Variants in HDAC9 observed in about 807,000 individuals in gnomAD.
HDAC9 encodes the protein MEF-2 interacting transcription repressor (MITR) protein.
A neutral mutation model predicts 139.4 loss-of-function variants in HDAC9; 41 were observed. That is an observed-to-expected ratio of 0.29 (90% CI 0.23 to 0.38). The LOEUF (loss-of-function observed/expected upper bound fraction) is 0.38, where lower values mean the gene tolerates loss of function less well. Ranked by LOEUF, HDAC9 falls within the 10% of genes least tolerant of loss-of-function variation. HDAC9 has a pLI of 1.00. For synonymous variants in HDAC9, 517 were observed against 476.2 expected (o/e 1.09, Z -1.12); for missense variants, 1,147 against 1,297.0 (o/e 0.88, Z 1.78).
At chr7:18,122,844 C>T (rs1258543305) in intron 1 of HDAC9, among the ~76,000 whole-genome samples, 1 of 152,144 alleles carries the variant, frequency 6.6e-6, no homozygotes, top group Admixed American at 6.5e-5. Flanking sequence ...GCCTTGAACT[C>T]CTGGCCTCAA....
At chr7:18,710,214 C>G (rs888854084) in intron 12 of HDAC9, among the ~76,000 whole-genome samples, 43 of 152,130 alleles carry the variant, frequency 2.8e-4, no homozygotes, top group Non-Finnish European at 1.8e-4. Flanking sequence ...AGTTAACTCT[C>G]CCCAAGTCCC....
In HDAC9 at chr7:18,352,364, G is replaced by A. The variant is rs1585315336; in HGVS notation, c.-42+61849G>A. Among the ~76,000 whole-genome samples, 3 of 152,162 alleles carry A rather than the reference G, an allele frequency of 2.0e-5. No individual in the cohort carries two copies. In the East Asian group the frequency reaches 5.8e-4, roughly 29 times the overall value. ...ATATTCTGCTTAGAGGGAAACAGTAGGTTGCCACTGATTTTTAGTCCTGTG... is the reference window on the plus strand; with the variant it reads ...ATATTCTGCTTAGAGGGAAACAGTAAGTTGCCACTGATTTTTAGTCCTGTG... On this transcript the variant is annotated intron_variant, in intron 1 of 3. Coordinates refer to the HDAC9 transcript ENST00000413509.
intron 23 of HDAC9, among the ~76,000 whole-genome samples, chr7:18,953,587 G>T (rs1389435485): frequency 6.6e-6 from 1 of 152,152 alleles, no homozygotes; most frequent in Non-Finnish European, 1.5e-5. Flanking sequence ...GAAGTTAAAT[G>T]AAACTGTACA....
At chr7:18,407,035 A>G (rs1247361083) in intron 1 of HDAC9, among the ~76,000 whole-genome samples, 1 of 152,178 alleles carries the variant, frequency 6.6e-6, no homozygotes, top group Non-Finnish European at 1.5e-5. Flanking sequence ...AGGTGTATCA[A>G]TATGTATAGA....
rs150694412 is a variant in HDAC9 at position 18,768,967 on chromosome 7, G to C, written c.2214+1812G>C. 1.6e-4 allele frequency among the ~76,000 whole-genome samples: 24 copies of C among 152,198 alleles called. No homozygotes were observed. In the East Asian group the frequency reaches 4.6e-3, roughly 29 times the overall value. ...TGTTAGATGCTTTTGCCAAACTGTA[G>C]GCTAACATAAATGTTTGGCATGAAT... On this transcript the variant is annotated intron_variant, in intron 16 of 25. Coordinates refer to ENST00000686413, the MANE Select transcript of HDAC9 (RefSeq NM_178425.4).
chr7:18,860,427 A>C (rs2129233012), intron 21 of HDAC9, among the ~76,000 whole-genome samples: 1 of 152,328 alleles, frequency 6.6e-6, no homozygotes, highest in African/African-American at 2.4e-5. Context: ...GAAAATAAAC[A>C]AAGATTTGGA....
intron 12 of HDAC9, among the ~76,000 whole-genome samples, chr7:18,715,732 C>A (rs1423793268): frequency 6.6e-6 from 1 of 152,092 alleles, no homozygotes; most frequent in Non-Finnish European, 1.5e-5. Context: ...ACAGAGAAAT[C>A]TAAAAGTTGT....
chr7:18,478,800 A>C (rs1327572931), intron 1 of HDAC9, among the ~76,000 whole-genome samples: 1 of 152,136 alleles, frequency 6.6e-6, no homozygotes, highest in Non-Finnish European at 1.5e-5. Flanking sequence ...AATACTTGGT[A>C]TTGTTAGACT....
chr7:18,975,699 T>C, intron 24 of HDAC9, 107 bp from the exon 25 acceptor site: 2 of 1,014,708 alleles, frequency 2.0e-6, no homozygotes, highest in East Asian at 2.5e-5. Flanking sequence ...GTGTATAACA[T>C]GGGGAATTTT....
chr7:18,825,035 C>T (rs1795308583), intron 17 of HDAC9, among the ~76,000 whole-genome samples: 1 of 152,150 alleles, frequency 6.6e-6, no homozygotes. Context: ...AATCATGGTA[C>T]CATTTCTAAG....
chr7:18,409,281 A>G (rs898241355), intron 1 of HDAC9, among the ~76,000 whole-genome samples: 1 of 152,110 alleles, frequency 6.6e-6, no homozygotes, highest in African/African-American at 2.4e-5. Context: ...GGGGAGAGAG[A>G]TGTAAGTTCC....
chr7:18,682,523 T>A (rs1305512204), intron 12 of HDAC9, among the ~76,000 whole-genome samples: 1 of 152,052 alleles, frequency 6.6e-6, no homozygotes, highest in Non-Finnish European at 1.5e-5. Context: ...GCTGGTAACT[T>A]TTAAAGAATG....
chr7:18,471,256 G>A (rs1794700393), intron 1 of HDAC9, among the ~76,000 whole-genome samples: 1 of 152,154 alleles, frequency 6.6e-6, no homozygotes, highest in African/African-American at 2.4e-5. Context: ...ATACACATTT[G>A]TATTACTTCA....
intron 25 of HDAC9, among the ~76,000 whole-genome samples, chr7:18,980,841 TG>T (rs1784898990): frequency 6.6e-6 from 1 of 151,324 alleles, no homozygotes; most frequent in Non-Finnish European, 1.5e-5. Context: ...CTTTTTTTTT[TG>T]AGATGGAGTC....
intron 6 of HDAC9, among the ~76,000 whole-genome samples, chr7:18,604,040 G>A (rs969641097): frequency 1.3e-5 from 2 of 151,570 alleles, no homozygotes; most frequent in African/African-American, 4.8e-5. Flanking sequence ...TGGTTTCTTT[G>A]AAGATCTCTT....
chr7:18,666,741 T>C, intron 12 of HDAC9: 1 of 1,270,150 alleles, frequency 7.9e-7, no homozygotes, highest in Non-Finnish European at 1.0e-6. Context: ...AAAATTATGA[T>C]ACATAATATC....
chr7:18,289,903 C>A (rs1585020546), upstream of HDAC9, among the ~76,000 whole-genome samples: 1 of 152,070 alleles, frequency 6.6e-6, no homozygotes, highest in South Asian at 2.1e-4. Context: ...GTACTTTGCC[C>A]TGTGTTTTAA....
chr7:18,644,637 G>A lies in HDAC9; in HGVS notation c.913-34G>A, dbSNP rs1474206698. 18 of 1,580,558 alleles carry A rather than the reference G, an allele frequency of 1.1e-5. No homozygotes were observed. In the Admixed American group the frequency reaches 3.0e-4, roughly 26 times the overall value. The stretch of plus-strand genomic sequence containing the variant: ...ATTTTACAGTAAAATTTGTGATACT[G>A]TGGTATTTTGAGACTCTCCTCTTTT... On this transcript the variant is annotated intron_variant, in intron 8 of 25. Transcript: ENST00000686413.
intron 1 of HDAC9, among the ~76,000 whole-genome samples, chr7:18,134,476 C>T (rs972688709): frequency 2.0e-5 from 3 of 152,008 alleles, no homozygotes; most frequent in Admixed American, 2.0e-4. Flanking sequence ...ATTGAATATA[C>T]ATAGTTTAGA....
Sources: gnomAD v4.1 joint callset for allele counts (sites outside exome capture counted in the v4.1 genomes callset) on GRCh38, gnomAD v4.1.1 for gene constraint, MANE v1.5 for transcripts, NCBI Gene and HGNC (gene_info 2026-07-23, HGNC 2026-07-21) for gene names.